PTPRG: variants seen among roughly 807,000 people sequenced by gnomAD.
PTPRG encodes receptor-type tyrosine-protein phosphatase gamma.
In PTPRG, 102 loss-of-function variants were observed where a neutral mutation model predicts 165.3. The ratio of observed to expected loss-of-function variants is 0.62; its 90% CI spans 0.53 to 0.73. The LOEUF (loss-of-function observed/expected upper bound fraction) is 0.73. Among genes scored for constraint, PTPRG ranks in the 30% least tolerant of loss-of-function variants. The probability of loss-of-function intolerance (pLI) is 0.00; values close to 1 mark genes in which losing one functional copy is unlikely to be tolerated. For missense variants in PTPRG, 1,866 were observed against 1,861.4 expected, an observed-to-expected ratio of 1.00 and a Z score of -0.05; for synonymous variants, 675 against 669.5, an observed-to-expected ratio of 1.01 and a Z score of -0.13.
chr3:62,176,850 G>A (rs1705445704), intron 8 of PTPRG, among the ~76,000 whole-genome samples: 2 of 152,122 alleles, frequency 1.3e-5, no homozygotes, highest in Admixed American at 1.3e-4. Flanking sequence ...ACAGGATAAG[G>A]CAGTGTTAGA....
At chr3:61,966,292 A>G (rs1279248730) in intron 2 of PTPRG, among the ~76,000 whole-genome samples, 1 of 152,204 alleles carries the variant, frequency 6.6e-6, no homozygotes, top group African/African-American at 2.4e-5. Context: ...AGCAGGCAAC[A>G]CTGATACAGG....
chr3:62,261,384 G>T (rs746094171), intron 16 of PTPRG, among the ~76,000 whole-genome samples: 2 of 152,336 alleles, frequency 1.3e-5, no homozygotes, highest in East Asian at 3.9e-4. Context: ...ATGTTCTTAC[G>T]TAGACTGATT....
chr3:62,143,931 CAG>C (rs758076620), intron 6 of PTPRG, among the ~76,000 whole-genome samples: 4 of 152,172 alleles, frequency 2.6e-5, no homozygotes, highest in Admixed American at 6.5e-5. Context: ...TGCATTAAGA[CAG>C]GGAAAACACA....
intron 15 of PTPRG, among the ~76,000 whole-genome samples, chr3:62,251,801 T>C (rs1426000562): frequency 6.6e-6 from 1 of 152,222 alleles, no homozygotes; most frequent in Non-Finnish European, 1.5e-5. Flanking sequence ...TTGGGTTCAA[T>C]GGACCTGGGT....
chr3:61,713,162 A>T (rs999852025), intron 1 of PTPRG, among the ~76,000 whole-genome samples: 8 of 144,018 alleles, frequency 5.6e-5, no homozygotes, highest in African/African-American at 2.0e-4. Flanking sequence ...AACATCAAAT[A>T]TGTTTTTTTT....
intron 2 of PTPRG, among the ~76,000 whole-genome samples, chr3:61,883,066 C>A (rs1324601942): frequency 6.6e-6 from 1 of 152,174 alleles, no homozygotes; most frequent in Non-Finnish European, 1.5e-5. Context: ...AGATGGTCAC[C>A]AACAGCTCAA....
intron 7 of PTPRG, among the ~76,000 whole-genome samples, chr3:62,162,339 AG>A (rs1284892423): frequency 6.6e-6 from 1 of 151,458 alleles, no homozygotes; most frequent in Non-Finnish European, 1.5e-5. Context: ...ATCCCCAAGC[AG>A]GGATAAAAGA....
intron 1 of PTPRG, among the ~76,000 whole-genome samples, chr3:61,716,324 A>C (rs368317166): frequency 1.3e-4 from 20 of 152,268 alleles, no homozygotes; most frequent in African/African-American, 4.8e-4. Flanking sequence ...AAGACAGTGA[A>C]TTTTGTTGTT....
intron 2 of PTPRG, among the ~76,000 whole-genome samples, chr3:61,951,969 T>G (rs570274651): frequency 1.6e-4 from 24 of 151,872 alleles, no homozygotes; most frequent in African/African-American, 5.6e-4. Flanking sequence ...AATACAAAAA[T>G]TAGCTGGGTG....
chr3:62,018,219 T>G (rs1284952628), intron 4 of PTPRG, among the ~76,000 whole-genome samples: 1 of 152,246 alleles, frequency 6.6e-6, no homozygotes, highest in African/African-American at 2.4e-5. Flanking sequence ...ACATCAGAAT[T>G]AAGTGGGTAC....
intron 8 of PTPRG, among the ~76,000 whole-genome samples, chr3:62,179,184 A>C (rs1705555069): frequency 6.6e-6 from 1 of 152,174 alleles, no homozygotes; most frequent in Non-Finnish European, 1.5e-5. Context: ...CTGCCCCTGA[A>C]GCCTGAAAAT....
chr3:61,611,230 C>T lies in PTPRG; in HGVS notation c.85+48858C>T, dbSNP rs76392121. Among the ~76,000 whole-genome samples, 1,172 of 152,228 alleles carry T rather than the reference C, an allele frequency of 7.7e-3. 12 individuals carry two copies. Among genetic ancestry groups the T allele is most frequent in the South Asian group, 0.032 (154 of 4,828 alleles). On this transcript the variant is annotated intron_variant, in intron 1 of 29. Transcript: ENST00000474889. ...CTTGAGCTCTGAAGGTATCATATACCGCTGTGACTTTATCAGAATGTTATT... is the reference window on the plus strand; with the variant it reads ...CTTGAGCTCTGAAGGTATCATATACTGCTGTGACTTTATCAGAATGTTATT...
intron 4 of PTPRG, among the ~76,000 whole-genome samples, chr3:62,029,663 C>T (rs1391917134): frequency 6.6e-6 from 1 of 152,144 alleles, no homozygotes; most frequent in Non-Finnish European, 1.5e-5. Context: ...TCTTTTATTC[C>T]AGCCAGTCAT....
chr3:61,923,934 ATAAC>A (rs768981085), intron 2 of PTPRG, among the ~76,000 whole-genome samples: 7 of 152,170 alleles, frequency 4.6e-5, no homozygotes, highest in Non-Finnish European at 8.8e-5. Context: ...ATCTTCGAGA[ATAAC>A]TAGGAGAAAC....
intron 6 of PTPRG, among the ~76,000 whole-genome samples, chr3:62,139,691 G>C (rs1703849657): frequency 6.6e-6 from 1 of 152,178 alleles, no homozygotes. Flanking sequence ...GGCAGTTGTG[G>C]CTATGACAAG....
At chr3:62,199,242 C>A (rs922397611) in intron 10 of PTPRG, among the ~76,000 whole-genome samples, 1 of 152,120 alleles carries the variant, frequency 6.6e-6, no homozygotes, top group Admixed American at 6.5e-5. Flanking sequence ...GGGTGAGACC[C>A]CTGTTATTTG....
intron 3 of PTPRG, among the ~76,000 whole-genome samples, chr3:61,999,958 T>A (rs1575870113): frequency 6.6e-6 from 1 of 152,260 alleles, no homozygotes; most frequent in Non-Finnish European, 1.5e-5. Flanking sequence ...TATCTTTTTT[T>A]ATTCTGTTTT....
At position 62,269,074 on chromosome 3, in the gene PTPRG, G is replaced by A. The variant is rs1296472162; in HGVS notation, c.2914G>A (p.Glu972Lys). Residue 972 changes from glutamate to lysine, a missense_variant, in exon 20 of 30, where the codon GAA becomes AAA. Coordinates refer to ENST00000474889, the MANE Select transcript of PTPRG (RefSeq NM_002841.4). The stretch of plus-strand genomic sequence containing the variant: ...GTATTGGCCAACAGAGAACAGTGAG[G>A]AATATGGAAACATTATTGTCACGCT... ...DQYWPTENSEEYGNIIVTLKS... is the reference protein window; with the variant it reads ...DQYWPTENSEKYGNIIVTLKS... 5.0e-6 allele frequency: 8 copies of A among 1,605,060 alleles called. No individual in the cohort carries two copies. The highest frequency in any genetic ancestry group is 6.8e-6 in the Non-Finnish European group (8 of 1,173,280).
rs760980736 is a variant in PTPRG, at chr3:62,271,107, T to G, written c.3010-276T>G. 6.6e-6 allele frequency among the ~76,000 whole-genome samples: 1 copy of G among 150,522 alleles called. No individual in the cohort carries two copies. The highest frequency in any genetic ancestry group is 2.4e-5 in the African/African-American group (1 of 41,268). The stretch of plus-strand genomic sequence containing the variant: ...GCAGGAAAAGTACAAGTGCTTTGGA[T>G]AGTTCCAAATCCAAAAAAAACTGAT... On this transcript the variant is annotated intron_variant, in intron 20 of 29. Transcript: ENST00000474889. This position sits in a 1 kb window ranked among gnomAD's most constrained non-coding sequence, Gnocchi z 4.1.
Sources: allele counts gnomAD v4.1 joint callset (sites outside exome capture counted in the v4.1 genomes callset), GRCh38; gene constraint gnomAD v4.1.1; non-coding constraint Gnocchi (gnomAD v3.1); transcripts MANE v1.5; gene names NCBI Gene and HGNC (gene_info 2026-07-23, HGNC 2026-07-21).